The following TECTA variants were observed in gnomAD, a reference collection of about 807,000 sequenced individuals.
The protein encoded by TECTA is alpha-tectorin.
A neutral mutation model predicts 216.8 loss-of-function variants in TECTA; 128 were observed. The observed-to-expected ratio is 0.59, with a 90% CI of 0.51 to 0.68. TECTA has a LOEUF of 0.68. Ranked by LOEUF, TECTA falls within the 30% of genes least tolerant of loss-of-function variation. The probability of loss-of-function intolerance (pLI) is 0.00; values close to 1 mark genes in which losing one functional copy is unlikely to be tolerated. For synonymous variants in TECTA, 1,089 were observed against 1,117.1 expected (o/e 0.97, Z 0.50); for missense variants, 2,551 against 2,786.2 (o/e 0.92, Z 1.90).
Position 121,166,961 on chromosome 11 carries a change from G to A in TECTA, c.5586+181G>A, listed in dbSNP as rs616184. Reference sequence around the variant, plus strand: ...GAGCAGTCATCATTTGATGCTAAGTGATTGACGGAGTTGAAAGAGTGATGT... The same window carrying A: ...GAGCAGTCATCATTTGATGCTAAGTAATTGACGGAGTTGAAAGAGTGATGT... On this transcript the variant is annotated intron_variant, in intron 18 of 23. Coordinates refer to ENST00000392793, the MANE Select transcript of TECTA (RefSeq NM_005422.4). Among the ~76,000 whole-genome samples, 43,968 of 152,194 alleles carry A rather than the reference G, an allele frequency of 0.29. 8,449 individuals are homozygous for A. The highest frequency in any genetic ancestry group is 0.54 in the African/African-American group (22,583 of 41,478).
rs1262222510 is a variant in TECTA, at chr11:121,118,415, C to A, written c.900C>A (p.Ser300Arg). 6.2e-7 allele frequency: 1 copy of A among 1,614,180 alleles called. No homozygotes were observed. Among genetic ancestry groups the A allele is most frequent in the East Asian group, 2.2e-5 (1 of 44,884 alleles). ...TCTACTGCCAGGAGGCTTCCTGTAG[C>A]CCCTACGAGGTGTGCGAACCCAAAG... ...NEIYCQEASC[S>R]PYEVCEPKGK... is the part of the protein sequence containing the mutation. The change falls in exon 7 of 24, where the codon AGC becomes AGA. Residue 300 changes from serine (S) to arginine (R), a missense_variant. This residue lies in a region of TECTA where 2,375 missense variants were observed against 2,563.9 expected (regional missense o/e 0.93). Transcript: ENST00000392793.
intron 9 of TECTA, 90 bp downstream of exon 9, chr11:121,128,434 C>T: frequency 7.8e-7 from 1 of 1,286,168 alleles, no homozygotes; most frequent in South Asian, 1.3e-5. Context: ...CTTTCTGCCT[C>T]TGCCTATGAG....
intron 6 of TECTA, among the ~76,000 whole-genome samples, chr11:121,116,952 C>T (rs1486371428): frequency 6.6e-6 from 1 of 152,172 alleles, no homozygotes; most frequent in Non-Finnish European, 1.5e-5. Flanking sequence ...TCTCATTTTT[C>T]AACCCTATTC....
At position 121,130,116 on chromosome 11, in the gene TECTA, A is replaced by G; in HGVS notation, c.2846A>G (p.Asn949Ser). 6.2e-7 allele frequency: 1 copy of G among 1,612,812 alleles called. No individual in the cohort carries two copies. Among genetic ancestry groups the G allele is most frequent in the Non-Finnish European group, 8.5e-7 (1 of 1,180,028 alleles). Residue 949 changes from asparagine to serine, a missense_variant, in exon 10 of 24, where the codon AAT becomes AGT. By Grantham distance (46) the Asn-to-Ser change is conservative. Around this residue, in one of 3 missense-constraint regions of TECTA, gnomAD observed 2,375 missense variants for 2,563.9 expected, o/e 0.93. Coordinates refer to ENST00000392793, the MANE Select transcript of TECTA (RefSeq NM_005422.4). The stretch of plus-strand genomic sequence containing the variant: ...TTCCGCCTGTGCCAGAGTGGGGGCA[A>G]TGAGTCAGAGCTCTGTGACTCTGTG... ...CLFRLCQSGG[N>S]ESELCDSVAR...
In TECTA at chr11:121,127,795, C is replaced by A; in HGVS notation, c.1818C>A (p.Cys606Ter). 1 of 1,614,208 alleles carries A rather than the reference C, an allele frequency of 6.2e-7. No individual in the cohort carries two copies. The highest frequency in any genetic ancestry group is 8.5e-7 in the Non-Finnish European group (1 of 1,180,046). ...QCPSFSHYSVCTSSCPDTCSD... is the reference protein window; with the variant it reads ...QCPSFSHYSV Reference sequence around the variant, plus strand: ...CGAGCTTCAGCCACTACTCCGTGTGCACAAGCAGCTGCCCCGACACATGCT... The same window carrying A: ...CGAGCTTCAGCCACTACTCCGTGTGAACAAGCAGCTGCCCCGACACATGCT... Residue 606 changes from cysteine (C) to a stop codon, truncating the protein, a stop_gained, in exon 9 of 24, where the codon TGC becomes TGA. Coordinates refer to ENST00000392793, the MANE Select transcript of TECTA (RefSeq NM_005422.4). LOFTEE classifies it high-confidence loss of function. The surrounding 1 kb of genome is among the most constrained non-coding windows in gnomAD (Gnocchi z 5.0).
intron 10 of TECTA, among the ~76,000 whole-genome samples, chr11:121,132,514 C>T (rs982787297): frequency 6.6e-5 from 10 of 152,082 alleles, no homozygotes; most frequent in Admixed American, 6.5e-5. Flanking sequence ...CAGGTGTGCC[C>T]GTTCTTCCTA....
At chr11:121,136,656 G>A (rs765491543) in intron 10 of TECTA, among the ~76,000 whole-genome samples, 6 of 151,972 alleles carry the variant, frequency 3.9e-5, no homozygotes, top group Non-Finnish European at 7.4e-5. Context: ...TAATGAAAGA[G>A]GAAACAGAAG....
Position 121,165,323 on chromosome 11 carries a change from T to C in TECTA, c.5323T>C (p.Cys1775Arg). Residue 1775 changes from cysteine (C) to arginine (R), a missense_variant, in exon 17 of 24, where the codon TGC becomes CGC. Around this residue, in one of 3 missense-constraint regions of TECTA, gnomAD observed 2,375 missense variants for 2,563.9 expected, o/e 0.93. Coordinates refer to ENST00000392793, the MANE Select transcript of TECTA (RefSeq NM_005422.4). ...CVGADCPNRT[C>R]ELGNGRELCG... ...GGGGGCGGACTGTCCCAACCGAACT[T>C]GCGAGCTGGGCAATGGCAGGGAGCT... 1 of 1,608,998 alleles carries C rather than the reference T, an allele frequency of 6.2e-7. No individual in the cohort carries two copies. Among genetic ancestry groups the C allele is most frequent in the South Asian group, 1.1e-5 (1 of 89,302 alleles).
Position 121,118,609 on chromosome 11 carries a change from C to G in TECTA, c.1094C>G (p.Ala365Gly). 2 of 1,614,116 alleles carry G rather than the reference C, an allele frequency of 1.2e-6. No individual in the cohort carries two copies. Among genetic ancestry groups the G allele is most frequent in the Non-Finnish European group, 1.7e-6 (2 of 1,180,012 alleles). Residue 365 changes from alanine to glycine, a missense_variant, in exon 7 of 24, where the codon GCC becomes GGC. Physicochemically the swap from Ala to Gly is moderately conservative, Grantham distance 60 (BLOSUM62 0). Coordinates refer to ENST00000392793, the MANE Select transcript of TECTA (RefSeq NM_005422.4). The part of the protein sequence containing the change: ...TSSLPFFSVE[A>G]KNEHRRGSAV... Reference sequence around the variant, plus strand: ...AGCCTCCCTTTCTTCAGTGTGGAGGCCAAGAATGAACACCGCAGAGGTTCA... The same window carrying G: ...AGCCTCCCTTTCTTCAGTGTGGAGGGCAAGAATGAACACCGCAGAGGTTCA...
intron 12 of TECTA, among the ~76,000 whole-genome samples, chr11:121,149,079 T>A (rs1346099728): frequency 6.6e-6 from 1 of 152,234 alleles, no homozygotes; most frequent in Non-Finnish European, 1.5e-5. Flanking sequence ...TGCATTTACT[T>A]CTCATGGCAA....
chr11:121,109,120 C>A, intron 3 of TECTA, 91 bp from the exon 4 acceptor site: 1 of 1,436,682 alleles, frequency 7.0e-7, no homozygotes, highest in Non-Finnish European at 9.7e-7. Flanking sequence ...TGTTTTCATT[C>A]ATACAGTTAG....
intron 22 of TECTA, 55 bp downstream of exon 22, chr11:121,189,222 G>C: frequency 6.3e-7 from 1 of 1,578,496 alleles, no homozygotes; most frequent in South Asian, 1.1e-5. Flanking sequence ...GGATTTCAAG[G>C]CTCAGATGTG....
At chr11:121,140,754 T>C (rs1347164804) in intron 11 of TECTA, among the ~76,000 whole-genome samples, 1 of 152,156 alleles carries the variant, frequency 6.6e-6, no homozygotes, top group Non-Finnish European at 1.5e-5. Context: ...CGCCTTTACA[T>C]GGCCTCTTTC....
intron 11 of TECTA, among the ~76,000 whole-genome samples, chr11:121,143,322 G>T (rs966676446): frequency 6.6e-6 from 1 of 152,136 alleles, no homozygotes; most frequent in Non-Finnish European, 1.5e-5. Flanking sequence ...TATTTATCAG[G>T]ATATTTTTCC....
intron 20 of TECTA, among the ~76,000 whole-genome samples, chr11:121,178,645 A>G (rs1947195196): frequency 6.6e-6 from 1 of 150,976 alleles, no homozygotes. Context: ...CTTCATCTTC[A>G]GTTTTTTTTG....
chr11:121,143,236 C>A (rs1375205875), intron 11 of TECTA, among the ~76,000 whole-genome samples: 1 of 152,212 alleles, frequency 6.6e-6, no homozygotes, highest in African/African-American at 2.4e-5. Context: ...GCCCTCCCCA[C>A]CTGTGCATTT....
intron 20 of TECTA, among the ~76,000 whole-genome samples, chr11:121,182,087 A>G (rs1947235308): frequency 6.6e-6 from 1 of 152,156 alleles, no homozygotes; most frequent in Non-Finnish European, 1.5e-5. Flanking sequence ...GGGATGCCAG[A>G]TGGGCCAGTC....
chr11:121,164,505 C>T (rs754850111), intron 16 of TECTA, among the ~76,000 whole-genome samples: 3 of 152,018 alleles, frequency 2.0e-5, no homozygotes, highest in African/African-American at 7.3e-5. Flanking sequence ...GTTCTCAGAC[C>T]GAGGCGTTGA....
Position 121,187,967 on chromosome 11 carries a change from C to A in TECTA, c.6135C>A (p.Cys2045Ter), listed in dbSNP as rs139552118. 1 of 1,614,172 alleles carries A rather than the reference C, an allele frequency of 6.2e-7. No individual in the cohort carries two copies. The highest frequency in any genetic ancestry group is 1.1e-5 in the South Asian group (1 of 91,080). Reference sequence around the variant, plus strand: ...ACCTTCACTGTGCAGTGTCACTCTGCGACTCAGAAAAGTACTCCTGTAAAA... The same window carrying A: ...ACCTTCACTGTGCAGTGTCACTCTGAGACTCAGAAAAGTACTCCTGTAAAA... ...EVHLHCAVSL[C>*]DSEKYSCKIT... The change falls in exon 21 of 24, where the codon TGC becomes TGA. Residue 2045 changes from cysteine to a stop codon, truncating the protein, a stop_gained. Coordinates refer to ENST00000392793, the MANE Select transcript of TECTA (RefSeq NM_005422.4). LOFTEE classifies it high-confidence loss of function.
Sources: allele counts gnomAD v4.1 joint callset (sites outside exome capture counted in the v4.1 genomes callset), GRCh38; gene constraint gnomAD v4.1.1; regional missense constraint gnomAD v4.1.1; non-coding constraint Gnocchi (gnomAD v3.1); transcripts MANE v1.5; gene names NCBI Gene and HGNC (gene_info 2026-07-23, HGNC 2026-07-21).